ADAMTS1: variants seen among roughly 807,000 people sequenced by gnomAD.
ADAMTS1 encodes the protein ADAM metallopeptidase with thrombospondin type 1 motif 1.
In ADAMTS1, 19 loss-of-function variants were observed where a neutral mutation model predicts 87.9. The observed-to-expected ratio is 0.22, with a 90% CI of 0.15 to 0.32. ADAMTS1 has a LOEUF of 0.32. Among genes scored for constraint, ADAMTS1 ranks in the 10% least tolerant of loss-of-function variants. ADAMTS1 has a pLI of 1.00. For missense variants in ADAMTS1, 1,240 were observed against 1,259.1 expected, an observed-to-expected ratio of 0.98 and a Z score of 0.23; for synonymous variants, 542 against 501.8, an observed-to-expected ratio of 1.08 and a Z score of -1.07.
intron 7 of ADAMTS1, 35 bp downstream of exon 7, chr21:26,839,552 G>T: frequency 6.7e-7 from 1 of 1,500,610 alleles, no homozygotes; most frequent in Non-Finnish European, 8.9e-7. Flanking sequence ...CCCAGGCCTT[G>T]ATTTTTAGGT....
In ADAMTS1 at chr21:26,837,539, C is replaced by T; in HGVS notation, c.*40G>A. 1 of 1,581,592 alleles carries T rather than the reference C, an allele frequency of 6.3e-7. No individual in the cohort carries two copies. Among genetic ancestry groups the T allele is most frequent in the Non-Finnish European group, 8.7e-7 (1 of 1,155,058 alleles). ...TGCTTTCCCTGCACCAGCCCTTCCTCACTTTGCCTTGCCCTCAAAGCTAAC... is the reference window on the plus strand; with the variant it reads ...TGCTTTCCCTGCACCAGCCCTTCCTTACTTTGCCTTGCCCTCAAAGCTAAC... On this transcript the variant is annotated 3_prime_UTR_variant, in exon 9 of 9. Transcript: ENST00000284984.
At chr21:26,838,360 T>C in intron 8 of ADAMTS1, 79 bp downstream of exon 8, 4 of 1,582,700 alleles carry the variant, frequency 2.5e-6, no homozygotes, top group South Asian at 1.1e-5. Flanking sequence ...TAATCTTTTA[T>C]GAGACATATT....
chr21:26,836,244 C>A lies in ADAMTS1; in HGVS notation c.*1335G>T, dbSNP rs1985361372. On this transcript the variant is annotated 3_prime_UTR_variant, in exon 9 of 9. Coordinates refer to ENST00000284984, the MANE Select transcript of ADAMTS1 (RefSeq NM_006988.5). ...ATTCAATATTTGTGCCTCAGGTTTC[C>A]TTCCTAGGAATGAATTCCCACTTCA... The A allele has an allele frequency of 6.6e-6, 1 of 152,100 alleles. No homozygotes were observed. The highest frequency in any genetic ancestry group is 1.5e-5 in the Non-Finnish European group (1 of 67,994). The allele number at this position is 152,100 out of a possible 1,614,324, so 9.4% of individuals were successfully genotyped here.
In ADAMTS1 at chr21:26,837,331, C is replaced by T. The variant is rs186000147; in HGVS notation, c.*248G>A. 22 of 423,562 alleles carry T rather than the reference C, an allele frequency of 5.2e-5. No individual in the cohort carries two copies. Among genetic ancestry groups the T allele is most frequent in the Middle Eastern group, 6.2e-4 (1 of 1,616 alleles). The allele number at this position is 423,562 out of a possible 1,614,324, so 26.2% of individuals were successfully genotyped here. On this transcript the variant is annotated 3_prime_UTR_variant, in exon 9 of 9. Transcript: ENST00000284984. ...CAAAAGAAATAATAATAATAATGCC[C>T]GGGGCTTTATTATGCTATATCACTG...
rs767505818 is a variant in ADAMTS1, at chr21:26,837,912, T to C, written c.2571A>G (p.Ala857=). Residue 857 remains alanine (A), a synonymous_variant, in exon 9 of 9, where the codon GCA becomes GCG. Coordinates refer to ENST00000284984, the MANE Select transcript of ADAMTS1 (RefSeq NM_006988.5). ...ATTCGCCCCACTCTTCAATGACCCATGCTGAAAAAGTGGGGATAGCATTGA... is the reference window on the plus strand; with the variant it reads ...ATTCGCCCCACTCTTCAATGACCCACGCTGAAAAAGTGGGGATAGCATTGA... The part of the protein sequence containing the change: ...ESFNAIPTFS[A]WVIEEWGECS... 1 of 1,614,086 alleles carries C rather than the reference T, an allele frequency of 6.2e-7. No homozygotes were observed. The highest frequency in any genetic ancestry group is 1.3e-5 in the African/African-American group (1 of 74,930).
rs771865149 is a variant in ADAMTS1 at position 26,838,099 on chromosome 21, T to C, written c.2384A>G (p.Lys795Arg). Residue 795 changes from lysine to arginine, a missense_variant, in exon 9 of 9, where the codon AAA (lysine) becomes AGA (arginine). Lys to Arg is a conservative substitution (Grantham distance 26). Around this residue, in one of 3 missense-constraint regions of ADAMTS1, gnomAD observed 402 missense variants for 399.1 expected, o/e 1.01. Coordinates refer to ENST00000284984, the MANE Select transcript of ADAMTS1 (RefSeq NM_006988.5). ...GCCGCTGTACCTCAAGACAACACCT[T>C]TGTACATAATGTCTTGCTCTAAGGT... Reference protein sequence around the residue: ...LSTLEQDIMYKGVVLRYSGSS... With the variant: ...LSTLEQDIMYRGVVLRYSGSS... 1.9e-6 allele frequency: 3 copies of C among 1,614,200 alleles called. No individual in the cohort carries two copies. Among genetic ancestry groups the C allele is most frequent in the Non-Finnish European group, 2.5e-6 (3 of 1,180,030 alleles).
rs9636786 is a variant in ADAMTS1 at position 26,837,175 on chromosome 21, T to C, written c.*404A>G. 0.11 allele frequency: 19,082 copies of C among 169,268 alleles called. 1,268 individuals carry two copies. The highest frequency in any genetic ancestry group is 0.18 in the African/African-American group (7,512 of 41,794). The allele number at this position is 169,268 out of a possible 1,614,324, so 10.5% of individuals were successfully genotyped here. Reference sequence around the variant, plus strand: ...AAAACAGGTCTTAGTAAAATCTCACTTTTCTCCTACTTTTCATTTCCCAAC... The same window carrying C: ...AAAACAGGTCTTAGTAAAATCTCACCTTTCTCCTACTTTTCATTTCCCAAC... On this transcript the variant is annotated 3_prime_UTR_variant, in exon 9 of 9. Transcript: ENST00000284984.
At position 26,841,167 on chromosome 21, in the gene ADAMTS1, T is replaced by G; in HGVS notation, c.1211-2A>C. ...CATGTGGCATGTTAAACACGTGGCC[T>G]AGGAAGCAATCCAGAACCCACATTA... On this transcript the variant is annotated splice_acceptor_variant, in intron 3 of 8. Transcript: ENST00000284984. LOFTEE classifies it high-confidence loss of function. The G allele has an allele frequency of 6.2e-7, 1 of 1,613,874 alleles. No homozygotes were observed. Among genetic ancestry groups the G allele is most frequent in the Non-Finnish European group, 8.5e-7 (1 of 1,179,858 alleles).
chr21:26,843,522 A>C, intron 1 of ADAMTS1: 1 of 470,396 alleles, frequency 2.1e-6, no homozygotes, highest in South Asian at 1.6e-5. Flanking sequence ...AGAAGGCCGT[A>C]GCAGGAAGGA....
In ADAMTS1 at chr21:26,839,664, C is replaced by T. The variant is rs776245977; in HGVS notation, c.1951G>A (p.Gly651Ser). The change falls in exon 7 of 9, where the codon GGC (glycine) becomes AGC (serine). Residue 651 changes from glycine to serine, a missense_variant. By Grantham distance (56) the Gly-to-Ser change is moderately conservative. Coordinates refer to ENST00000284984, the MANE Select transcript of ADAMTS1 (RefSeq NM_006988.5). The stretch of plus-strand genomic sequence containing the variant: ...TTGCACCTGTCCTTTGGTGAGACGC[C>T]AGCGTACTTGGGAATCCATTCCACC... ...PAVEWIPKYA[G>S]VSPKDRCKLI... 6.2e-7 allele frequency: 1 copy of T among 1,613,866 alleles called. No homozygotes were observed. The highest frequency in any genetic ancestry group is 1.7e-5 in the Admixed American group (1 of 60,020).
intron 1 of ADAMTS1, chr21:26,843,520 G>A (rs1244709494): frequency 1.9e-5 from 9 of 468,948 alleles, no homozygotes; most frequent in East Asian, 7.0e-5. Flanking sequence ...AGAGAAGGCC[G>A]TAGCAGGAAG....
Position 26,845,061 on chromosome 21 carries a change from C to T in ADAMTS1, c.-107G>A. 1.5e-6 allele frequency: 2 copies of T among 1,310,922 alleles called. No homozygotes were observed. Among genetic ancestry groups the T allele is most frequent in the South Asian group, 2.5e-5 (1 of 40,734 alleles). The allele number at this position is 1,310,922 out of a possible 1,614,324, so 81.2% of individuals were successfully genotyped here. ...GCCTGCTCTGGATTGTTAAAATTAA[C>T]AATTTCTATTATTCGTTGGAAGGGC... is the stretch of plus-strand genomic sequence containing the variant. On this transcript the variant is annotated 5_prime_UTR_variant, in exon 1 of 9. Transcript: ENST00000284984.
At chr21:26,838,407 T>C in intron 8 of ADAMTS1, 32 bp downstream of exon 8, 1 of 1,611,664 alleles carries the variant, frequency 6.2e-7, no homozygotes. Context: ...ATTTAAATTA[T>C]AAGGTCTGCA....
chr21:26,837,494 C>T lies in ADAMTS1; in HGVS notation c.*85G>A, dbSNP rs1285907847. 3 of 1,212,674 alleles carry T rather than the reference C, an allele frequency of 2.5e-6. No individual in the cohort carries two copies. Among genetic ancestry groups the T allele is most frequent in the Non-Finnish European group, 3.6e-6 (3 of 840,836 alleles). 75.1% of individuals were successfully genotyped at this position (1,212,674 alleles called of 1,614,324 possible). A position where few individuals can be genotyped will look rare whatever the true frequency, so the allele number is the denominator to read the frequency against. On this transcript the variant is annotated 3_prime_UTR_variant, in exon 9 of 9. Coordinates refer to ENST00000284984, the MANE Select transcript of ADAMTS1 (RefSeq NM_006988.5). ...CCTCACTGGTTACTGGCAAGATACG[C>T]TGGATCCCTCCAGCCTTCTTGCTTT...
At position 26,841,188 on chromosome 21, in the gene ADAMTS1, C is replaced by A. The variant is rs749806727; in HGVS notation, c.1211-23G>T. 6 of 1,611,330 alleles carry A rather than the reference C, an allele frequency of 3.7e-6. No individual in the cohort carries two copies. The African/African-American group carries it at 8.0e-5, about 22-fold the overall frequency. ...GGCCTAGGAAGCAATCCAGAACCCA[C>A]ATTAAAGTATGGATCATGGCTGGGT... On this transcript the variant is annotated intron_variant, in intron 3 of 8. Transcript: ENST00000284984.
At chr21:26,839,270 G>T (rs1568810074) in intron 7 of ADAMTS1, 1 of 201,282 alleles carries the variant, frequency 5.0e-6, no homozygotes, top group Non-Finnish European at 1.0e-5. Context: ...AATATAAAAT[G>T]TATCTAACTA....
chr21:26,841,291 C>T (rs1488006947), intron 3 of ADAMTS1, 126 bp from the exon 4 acceptor site: 2 of 941,676 alleles, frequency 2.1e-6, no homozygotes, highest in African/African-American at 3.3e-5. Context: ...CCAGCATGGC[C>T]AACATAGTGA....
rs1985367165 is a variant in ADAMTS1 at position 26,836,549 on chromosome 21, G to A, written c.*1030C>T. ...GAAAAAATCATATTCTCACAGAAGA[G>A]CTGAACAGACATTCACCAGGATACG... On this transcript the variant is annotated 3_prime_UTR_variant, in exon 9 of 9. Coordinates refer to ENST00000284984, the MANE Select transcript of ADAMTS1 (RefSeq NM_006988.5). 6.6e-6 allele frequency: 1 copy of A among 152,552 alleles called. No homozygotes were observed. The highest frequency in any genetic ancestry group is 2.1e-4 in the South Asian group (1 of 4,828). The allele number at this position is 152,552 out of a possible 1,614,324, so 9.4% of individuals were successfully genotyped here.
In ADAMTS1 at chr21:26,837,384, A is replaced by G. The variant is rs1985388228; in HGVS notation, c.*195T>C. 2 of 585,010 alleles carry G rather than the reference A, an allele frequency of 3.4e-6. No individual in the cohort carries two copies. The highest frequency in any genetic ancestry group is 1.9e-5 in the African/African-American group (1 of 53,670). 36.2% of individuals were successfully genotyped at this position (585,010 alleles called of 1,614,324 possible). On this transcript the variant is annotated 3_prime_UTR_variant, in exon 9 of 9. Coordinates refer to ENST00000284984, the MANE Select transcript of ADAMTS1 (RefSeq NM_006988.5). ...CAGAGGTTAATAATCCTCACTAACT[A>G]TCCTATCAAATTTGCAACTGGCAGT...
Sources: gnomAD v4.1 joint callset for allele counts on GRCh38, gnomAD v4.1.1 for gene constraint, gnomAD v4.1.1 regional missense constraint, MANE v1.5 for transcripts, NCBI Gene and HGNC (gene_info 2026-07-23, HGNC 2026-07-21) for gene names.